Variants in MEGF11 observed in about 807,000 individuals in gnomAD.
MEGF11 encodes multiple epidermal growth factor-like domains protein 11.
In MEGF11, 126 loss-of-function variants were observed where a neutral mutation model predicts 146.6. The observed-to-expected ratio is 0.86, with a 90% CI of 0.74 to 1.00. The LOEUF is 1.00. MEGF11 is among the 50% of genes least tolerant of loss of function. The probability of loss-of-function intolerance (pLI) is 0.00; values close to 1 mark genes in which losing one functional copy is unlikely to be tolerated. For synonymous variants in MEGF11, 532 were observed against 583.4 expected, an observed-to-expected ratio of 0.91 and a Z score of 1.27; for missense variants, 1,509 against 1,521.2, an observed-to-expected ratio of 0.99 and a Z score of 0.13.
chr15:66,050,405 A>G (rs2084402265), intron 5 of MEGF11, among the ~76,000 whole-genome samples: 1 of 152,240 alleles, frequency 6.6e-6, no homozygotes, highest in Non-Finnish European at 1.5e-5. Context: ...ACATTTGAGC[A>G]AAGACCTGAA....
chr15:66,219,494 T>G (rs922061863), intron 1 of MEGF11, among the ~76,000 whole-genome samples: 8 of 152,060 alleles, frequency 5.3e-5, no homozygotes, highest in Non-Finnish European at 1.2e-4. Context: ...AAATGCAAAT[T>G]AAAACCTCAA....
intron 1 of MEGF11, among the ~76,000 whole-genome samples, chr15:66,141,475 G>A (rs1181532914): frequency 6.6e-6 from 1 of 151,978 alleles, no homozygotes; most frequent in African/African-American, 2.4e-5. Context: ...GAGGCTGCCT[G>A]CTTGGTGCTT....
At chr15:65,912,919 A>AGCCACGT (rs1297187429) in intron 20 of MEGF11, among the ~76,000 whole-genome samples, 3 of 152,150 alleles carry the variant, frequency 2.0e-5, no homozygotes, top group African/African-American at 7.2e-5. Context: ...ATGAGCCATG[A>AGCCACGT]GCCACGTGCC....
At chr15:66,113,600 A>C (rs1275828870) in intron 4 of MEGF11, among the ~76,000 whole-genome samples, 1 of 152,162 alleles carries the variant, frequency 6.6e-6, no homozygotes. Flanking sequence ...ACAGATTCGC[A>C]AACTGAGTCA....
chr15:66,087,391 G>A (rs1436583307), intron 5 of MEGF11, among the ~76,000 whole-genome samples: 1 of 152,102 alleles, frequency 6.6e-6, no homozygotes, highest in Non-Finnish European at 1.5e-5. Flanking sequence ...AACAGCACAT[G>A]GAACTTTCTC....
intron 25 of MEGF11, 61 bp downstream of exon 25, chr15:65,898,667 T>A (rs997120152): frequency 9.4e-6 from 15 of 1,600,984 alleles, no homozygotes; most frequent in Admixed American, 3.4e-5. Flanking sequence ...AGGGCTTGCT[T>A]TTACTTCAAA....
chr15:66,123,944 G>C lies in MEGF11; in HGVS notation c.155C>G (p.Thr52Arg). ...YAHPFDQIYY[T>R]RCTDILNWFK... is the part of the protein sequence containing the mutation. The stretch of plus-strand genomic sequence containing the variant: ...CCAGTTGAGGATGTCTGTGCATCGT[G>C]TGTAATAGATCTGATCGAAGGGGTG... The change falls in exon 3 of 26, where the codon ACA becomes AGA. Residue 52 changes from threonine to arginine, a missense_variant. Thr to Arg is a moderately conservative substitution (Grantham distance 71, BLOSUM62 -1). Transcript: ENST00000395614. 1 of 1,614,018 alleles carries C rather than the reference G, an allele frequency of 6.2e-7. No individual in the cohort carries two copies. The highest frequency in any genetic ancestry group is 8.5e-7 in the Non-Finnish European group (1 of 1,179,870).
At chr15:66,230,812 G>A (rs12900781) in intron 1 of MEGF11, among the ~76,000 whole-genome samples, 16,195 of 152,266 alleles carry the variant, frequency 0.11, 1,082 homozygotes, top group Non-Finnish European at 0.16. Context: ...ACTCTAGTAT[G>A]TAAGTGATGG....
At chr15:66,099,709 G>C (rs2086706837) in intron 4 of MEGF11, among the ~76,000 whole-genome samples, 3 of 152,176 alleles carry the variant, frequency 2.0e-5, no homozygotes, top group Admixed American at 2.0e-4. Context: ...TATAACTGTT[G>C]CTTTCTTTTT....
intron 4 of MEGF11, among the ~76,000 whole-genome samples, chr15:66,095,841 TC>T (rs1425023906): frequency 1.3e-5 from 2 of 152,084 alleles, no homozygotes; most frequent in African/African-American, 4.8e-5. Flanking sequence ...TTGTGGTGCT[TC>T]CCCAGTGCTG....
At chr15:65,981,044 G>T in intron 6 of MEGF11, 146 bp from the exon 7 acceptor site, 1 of 1,074,510 alleles carries the variant, frequency 9.3e-7, no homozygotes, top group Non-Finnish European at 1.3e-6. Context: ...CCTGCTCCCT[G>T]CCAGGAGGGG....
chr15:66,024,678 A>G (rs77011346), intron 5 of MEGF11, among the ~76,000 whole-genome samples: 2,462 of 152,252 alleles, frequency 0.016, 62 homozygotes, highest in African/African-American at 0.055. Context: ...CAAGGTCACT[A>G]TATAAGTGAC....
chr15:66,120,845 C>T lies in MEGF11; in HGVS notation c.201-1659G>A, dbSNP rs57886130. On this transcript the variant is annotated intron_variant, in intron 3 of 25. Coordinates refer to ENST00000395614, the MANE Select transcript of MEGF11 (RefSeq NM_001385028.1). ...AGCAAACAGGATTATCCCCAAGCCC[C>T]GCAATGGGGGGTGGTCTGGGCATCA... Among the ~76,000 whole-genome samples, 1,365 of 152,270 alleles carry T rather than the reference C, an allele frequency of 9.0e-3. 16 individuals are homozygous for T. Among genetic ancestry groups the T allele is most frequent in the African/African-American group, 0.031 (1,307 of 41,554 alleles).
intron 1 of MEGF11, among the ~76,000 whole-genome samples, chr15:66,236,910 G>A (rs185921480): frequency 3.3e-4 from 50 of 152,210 alleles, no homozygotes; most frequent in South Asian, 2.7e-3. Context: ...TGCTGTCCCC[G>A]CCATCTCAAT....
intron 7 of MEGF11, among the ~76,000 whole-genome samples, chr15:65,971,700 G>T (rs536363544): frequency 6.6e-6 from 1 of 152,186 alleles, no homozygotes; most frequent in Non-Finnish European, 1.5e-5. Context: ...CAGTCAACAC[G>T]CCTGACATCT....
rs528161479 is a variant in MEGF11, at chr15:66,001,891, C to G, written c.395-19403G>C. Among the ~76,000 whole-genome samples the G allele has an allele frequency of 1.1e-4, 17 of 152,294 alleles. 1 individual carries two copies. In the South Asian group the frequency reaches 3.5e-3, roughly 32 times the overall value. ...CTGAGTGAAAGGAGCAGAATAAACTCAGGTGCACAATCAAAAGGCCTTTGA... is the reference window on the plus strand; with the variant it reads ...CTGAGTGAAAGGAGCAGAATAAACTGAGGTGCACAATCAAAAGGCCTTTGA... On this transcript the variant is annotated intron_variant, in intron 5 of 25. Coordinates refer to ENST00000395614, the MANE Select transcript of MEGF11 (RefSeq NM_001385028.1).
At chr15:66,133,389 G>A (rs989449536) in intron 1 of MEGF11, among the ~76,000 whole-genome samples, 6 of 152,232 alleles carry the variant, frequency 3.9e-5, no homozygotes, top group African/African-American at 1.4e-4. Context: ...CCAAACTGGA[G>A]CTGATAAAGC....
intron 7 of MEGF11, among the ~76,000 whole-genome samples, chr15:65,977,455 C>T (rs185777059): frequency 3.4e-4 from 51 of 150,154 alleles, no homozygotes; most frequent in Admixed American, 6.0e-4. Context: ...TGCTAGGCCT[C>T]GGCCCCAAAA....
intron 1 of MEGF11, among the ~76,000 whole-genome samples, chr15:66,193,311 G>T (rs1314809045): frequency 6.6e-6 from 1 of 152,106 alleles, no homozygotes; most frequent in Non-Finnish European, 1.5e-5. Context: ...GTGACTGCCT[G>T]GACCCTTTCA....
Sources: allele counts gnomAD v4.1 joint callset (sites outside exome capture counted in the v4.1 genomes callset), GRCh38; gene constraint gnomAD v4.1.1; transcripts MANE v1.5; gene names NCBI Gene and HGNC (gene_info 2026-07-23, HGNC 2026-07-21).